Variants in TAB2 observed in about 807,000 individuals in gnomAD.
The protein encoded by TAB2 is TGF-beta-activated kinase 1 and MAP3K7-binding protein 2.
A neutral mutation model predicts 65.0 loss-of-function variants in TAB2; 3 were observed. That is an observed-to-expected ratio of 0.05 (90% confidence interval 0.02 to 0.12). The LOEUF (loss-of-function observed/expected upper bound fraction) is 0.12, where lower values mean the gene tolerates loss of function less well. Ranked by LOEUF, TAB2 falls within the 10% of genes least tolerant of loss-of-function variation. TAB2 has a pLI of 1.00. For synonymous variants in TAB2, 298 were observed against 285.1 expected (o/e 1.05, Z -0.46); for missense variants, 623 against 840.3 (o/e 0.74, Z 3.20).
rs76861335 is a variant in TAB2, at chr6:149,275,443, T to A, written c.-121+56667T>A. On this transcript the variant is annotated intron_variant, in intron 1 of 1. Transcript: ENST00000606202. ...AAAGTAGTTGAATGATAACTCAATA[T>A]CCTTGAGACCATACTGATGTATATA... Among the ~76,000 whole-genome samples, 115 of 152,278 alleles carry A rather than the reference T, an allele frequency of 7.6e-4. 1 individual carries two copies. In the East Asian group the frequency reaches 0.018, roughly 23 times the overall value.
At chr6:149,403,353 C>CATAT (rs1562456658) in intron 6 of TAB2, among the ~76,000 whole-genome samples, 16 of 139,080 alleles carry the variant, frequency 1.2e-4, no homozygotes, top group African/African-American at 4.3e-4. Context: ...CACACACACA[C>CATAT]ACACACACAC....
chr6:149,409,162 G>A (rs1447851390), intron 6 of TAB2, among the ~76,000 whole-genome samples: 1 of 152,092 alleles, frequency 6.6e-6, no homozygotes, highest in Non-Finnish European at 1.5e-5. Context: ...GCCCTTTCTG[G>A]TAGAAAACGA....
chr6:149,254,823 G>T (rs1777976478), intron 1 of TAB2, among the ~76,000 whole-genome samples: 1 of 152,128 alleles, frequency 6.6e-6, no homozygotes, highest in South Asian at 2.1e-4. Context: ...GTGTTCCAGG[G>T]ACTGTACTAT....
chr6:149,344,653 C>G (rs928449284), intron 1 of TAB2, among the ~76,000 whole-genome samples: 1 of 151,982 alleles, frequency 6.6e-6, no homozygotes, highest in Non-Finnish European at 1.5e-5. Context: ...CAATGGGAAT[C>G]CGTTGAAGAT....
At chr6:149,374,795 A>G (rs1392584230) in intron 2 of TAB2, among the ~76,000 whole-genome samples, 1 of 152,200 alleles carries the variant, frequency 6.6e-6, no homozygotes, top group East Asian at 1.9e-4. Flanking sequence ...TTACAATGAA[A>G]TGCAGGGGAA....
At position 149,226,006 on chromosome 6, in the gene TAB2, T is replaced by C. The variant is rs368051187; in HGVS notation, c.-121+7230T>C. 4.3e-4 allele frequency among the ~76,000 whole-genome samples: 65 copies of C among 152,120 alleles called. 1 individual carries two copies. In the East Asian group the frequency reaches 0.012, roughly 28 times the overall value. On this transcript the variant is annotated intron_variant, in intron 1 of 1. Coordinates refer to the TAB2 transcript ENST00000606202. ...AAGGGGCTTGAGTCCCACTGAGGCCTGTGCTCTCAGAAGCTCTGAAGCGAA... is the reference window on the plus strand; with the variant it reads ...AAGGGGCTTGAGTCCCACTGAGGCCCGTGCTCTCAGAAGCTCTGAAGCGAA...
At chr6:149,367,985 A>C (rs560955070) in intron 1 of TAB2, among the ~76,000 whole-genome samples, 1 of 152,286 alleles carries the variant, frequency 6.6e-6, no homozygotes, top group Admixed American at 6.5e-5. Flanking sequence ...AGTTGGAGAT[A>C]ATAATTTGCC....
At chr6:149,224,223 G>A (rs1562378623) in intron 1 of TAB2, among the ~76,000 whole-genome samples, 1 of 152,178 alleles carries the variant, frequency 6.6e-6, no homozygotes, top group Non-Finnish European at 1.5e-5. Flanking sequence ...ATGTAATCAT[G>A]TATTCCTGGC....
chr6:149,302,230 C>T (rs1357076492), intron 1 of TAB2, among the ~76,000 whole-genome samples: 1 of 152,086 alleles, frequency 6.6e-6, no homozygotes, highest in Non-Finnish European at 1.5e-5. Context: ...AAGCATATAA[C>T]ATTACATATA....
chr6:149,225,622 T>C (rs1583031449), intron 1 of TAB2, among the ~76,000 whole-genome samples: 1 of 152,210 alleles, frequency 6.6e-6, no homozygotes, highest in African/African-American at 2.4e-5. Flanking sequence ...AATCATGGTG[T>C]TAGAATACAA....
intron 1 of TAB2, among the ~76,000 whole-genome samples, chr6:149,265,000 C>G (rs1460723927): frequency 6.6e-6 from 1 of 152,020 alleles, no homozygotes; most frequent in Admixed American, 6.6e-5. Flanking sequence ...ACCTTTTGCA[C>G]CTTTGGAAAC....
intron 1 of TAB2, among the ~76,000 whole-genome samples, chr6:149,239,945 C>T (rs1039221453): frequency 1.3e-5 from 2 of 152,144 alleles, no homozygotes; most frequent in Non-Finnish European, 2.9e-5. Flanking sequence ...TTCTCAGTCA[C>T]AGGACTAGAA....
upstream of TAB2, among the ~76,000 whole-genome samples, chr6:149,316,232 T>A (rs1204107014): frequency 6.6e-6 from 1 of 152,232 alleles, no homozygotes; most frequent in African/African-American, 2.4e-5. Context: ...ATAATTAAAT[T>A]CCGATATTGT....
At chr6:149,290,552 G>A (rs1778757362) in intron 1 of TAB2, among the ~76,000 whole-genome samples, 1 of 152,162 alleles carries the variant, frequency 6.6e-6, no homozygotes, top group African/African-American at 2.4e-5. Context: ...AGAAGAGTGT[G>A]TGGTATTTAG....
chr6:149,397,441 CA>C lies in TAB2; in HGVS notation c.1604-148del, dbSNP rs375953182. ...GAGCAACAAGAGTAAAACTCTGTGTCAAAAAAAAAAAAAAATTGAAATTTTA... is the reference window on the plus strand; with the variant it reads ...GAGCAACAAGAGTAAAACTCTGTGTCAAAAAAAAAAAAAATTGAAATTTTA... On this transcript the variant is annotated intron_variant, in intron 3 of 6. Transcript: ENST00000637181. 0.037 allele frequency among the ~76,000 whole-genome samples: 4,727 copies of C among 128,950 alleles called. 148 individuals carry two copies. Among genetic ancestry groups the C allele is most frequent in the African/African-American group, 0.1 (3,597 of 35,492 alleles). The allele number at this position is 128,950 out of a possible 152,430, so 84.6% of individuals were successfully genotyped here.
chr6:149,302,269 G>C (rs1024863144), intron 1 of TAB2, among the ~76,000 whole-genome samples: 1 of 152,018 alleles, frequency 6.6e-6, no homozygotes, highest in Non-Finnish European at 1.5e-5. Flanking sequence ...GGCATATATC[G>C]AAATGTTAAC....
chr6:149,339,850 G>A (rs1018855832), intron 1 of TAB2, among the ~76,000 whole-genome samples: 5 of 152,002 alleles, frequency 3.3e-5, no homozygotes, highest in East Asian at 1.9e-4. Flanking sequence ...TGATCCACCC[G>A]CCTCAGCCTC....
chr6:149,218,620 C>A (rs949572684), upstream of TAB2: 5 of 351,662 alleles, frequency 1.4e-5, no homozygotes, highest in African/African-American at 8.4e-5. Context: ...TATATTCTTA[C>A]AGATGAGAAG....
At chr6:149,272,485 T>C (rs1297979480) in intron 1 of TAB2, among the ~76,000 whole-genome samples, 1 of 152,208 alleles carries the variant, frequency 6.6e-6, no homozygotes, top group East Asian at 1.9e-4. Flanking sequence ...CCTTGGCTCA[T>C]GGCCCCTTCC....
Sources: allele counts gnomAD v4.1 joint callset (sites outside exome capture counted in the v4.1 genomes callset), GRCh38; gene constraint gnomAD v4.1.1; transcripts MANE v1.5; gene names NCBI Gene and HGNC (gene_info 2026-07-23, HGNC 2026-07-21).